Variants in FAM117A observed in about 807,000 individuals in gnomAD.
FAM117A encodes family with sequence similarity 117 member A, also known as protein FAM117A.
In FAM117A, 21 loss-of-function variants were observed where a neutral mutation model predicts 44.1. That is an observed-to-expected ratio of 0.48 (90% confidence interval 0.34 to 0.69). The LOEUF (loss-of-function observed/expected upper bound fraction) is 0.69, where lower values mean the gene tolerates loss of function less well. Ranked by LOEUF, FAM117A falls within the 30% of genes least tolerant of loss-of-function variation. The pLI, the probability that FAM117A is intolerant of heterozygous loss-of-function variation, is 0.01. For synonymous variants in FAM117A, 220 were observed against 238.3 expected (o/e 0.92, Z 0.71); for missense variants, 498 against 589.9 (o/e 0.84, Z 1.61).
intron 1 of FAM117A, among the ~76,000 whole-genome samples, chr17:49,762,182 T>C (rs959390746): frequency 6.6e-6 from 1 of 152,188 alleles, no homozygotes; most frequent in Non-Finnish European, 1.5e-5. Flanking sequence ...AAATAACTGA[T>C]CTTAAAATGA....
upstream of FAM117A, chr17:49,788,838 C>T (rs1177788632): frequency 2.5e-6 from 4 of 1,584,542 alleles, no homozygotes; most frequent in South Asian, 1.1e-5. Context: ...GCCGGCAATG[C>T]CGCGAAGGAA....
intron 1 of FAM117A, among the ~76,000 whole-genome samples, chr17:49,748,280 C>T (rs1468841540): frequency 1.3e-5 from 2 of 152,184 alleles, no homozygotes; most frequent in Non-Finnish European, 2.9e-5. Context: ...AACCAAACCT[C>T]CAAGAACTAG....
At chr17:49,756,526 G>A (rs2073699179) in intron 1 of FAM117A, among the ~76,000 whole-genome samples, 1 of 150,828 alleles carries the variant, frequency 6.6e-6, no homozygotes, top group African/African-American at 2.4e-5. Context: ...GCACCCCGTG[G>A]ATGGCTTGAG....
intron 5 of FAM117A, among the ~76,000 whole-genome samples, chr17:49,718,371 A>G (rs555287354): frequency 4.1e-4 from 62 of 152,266 alleles, no homozygotes; most frequent in Non-Finnish European, 8.2e-4. Flanking sequence ...GTCAATATAA[A>G]ATTGTGCCTG....
chr17:49,749,161 G>A (rs796196930), intron 1 of FAM117A, among the ~76,000 whole-genome samples: 12 of 152,246 alleles, frequency 7.9e-5, no homozygotes, highest in African/African-American at 2.9e-4. Context: ...TGGCCTAGGC[G>A]TATACCTGGC....
chr17:49,781,997 A>T (rs1290963461), intron 1 of FAM117A, among the ~76,000 whole-genome samples: 1 of 151,794 alleles, frequency 6.6e-6, no homozygotes, highest in Non-Finnish European at 1.5e-5. Context: ...ATAAAATTTC[A>T]TGTAAATAAT....
rs1044731663 is a variant in FAM117A at position 49,716,024 on chromosome 17, C to T, written c.1061+141G>A. ...GTGCTCAGAGTAGGTAATGTCAACA[C>T]GTTTGATCATGGAAAGCTGGCAATA... is the stretch of plus-strand genomic sequence containing the variant. On this transcript the variant is annotated intron_variant, in intron 7 of 7. Coordinates refer to ENST00000240364, the MANE Select transcript of FAM117A (RefSeq NM_030802.4). The T allele has an allele frequency of 9.0e-5, 79 of 882,532 alleles. No individual in the cohort carries two copies. The African/African-American group carries it at 1.1e-3, about 12-fold the overall frequency. 54.7% of individuals were successfully genotyped at this position (882,532 alleles called of 1,614,324 possible).
At chr17:49,735,084 T>C (rs765783932) in intron 1 of FAM117A, among the ~76,000 whole-genome samples, 41 of 152,138 alleles carry the variant, frequency 2.7e-4, no homozygotes, top group Admixed American at 4.6e-4. Context: ...GTTGTGGAAA[T>C]GGACCCTGGT....
At chr17:49,781,013 T>C (rs1158206986) in intron 1 of FAM117A, among the ~76,000 whole-genome samples, 2 of 152,058 alleles carry the variant, frequency 1.3e-5, no homozygotes, top group African/African-American at 4.8e-5. Flanking sequence ...GTGCTTTTAG[T>C]AGAGACGGGT....
At position 49,723,072 on chromosome 17, in the gene FAM117A, A is replaced by G. The variant is rs956818087; in HGVS notation, c.367-478T>C. Among the ~76,000 whole-genome samples the G allele has an allele frequency of 2.0e-5, 3 of 152,190 alleles. No homozygotes were observed. The East Asian group carries it at 5.8e-4, about 29-fold the overall frequency. ...GTGCATTAAGGGATTATTAACTGGT[A>G]AAACAGGAAAAAATGTCAACATAGG... On this transcript the variant is annotated intron_variant, in intron 2 of 7. Coordinates refer to ENST00000240364, the MANE Select transcript of FAM117A (RefSeq NM_030802.4).
At chr17:49,736,541 G>A (rs756886531) in intron 1 of FAM117A, among the ~76,000 whole-genome samples, 6 of 152,276 alleles carry the variant, frequency 3.9e-5, no homozygotes, top group South Asian at 4.1e-4. Context: ...CACTGCACCC[G>A]GCCCAAAGGC....
chr17:49,774,506 C>T (rs900251934), intron 1 of FAM117A, among the ~76,000 whole-genome samples: 3 of 151,978 alleles, frequency 2.0e-5, no homozygotes, highest in African/African-American at 2.4e-5. Flanking sequence ...ACTACAGGCT[C>T]GCACCATCAT....
Position 49,720,333 on chromosome 17 carries a change from G to A in FAM117A, c.566C>T (p.Ala189Val), listed in dbSNP as rs1436711558. 6.2e-7 allele frequency: 1 copy of A among 1,612,700 alleles called. No individual in the cohort carries two copies. The change falls in exon 4 of 8, where the codon GCA becomes GTA. Residue 189 changes from alanine (A) to valine (V), a missense_variant. By Grantham distance (64) the Ala-to-Val change is moderately conservative. Coordinates refer to ENST00000240364, the MANE Select transcript of FAM117A (RefSeq NM_030802.4). ...CTGGGGGAGAAAACATACCCTCAGTGCTCCCCGCACTGCGTGGTCCCCTAG... is the reference window on the plus strand; with the variant it reads ...CTGGGGGAGAAAACATACCCTCAGTACTCCCCGCACTGCGTGGTCCCCTAG... ...PLLGDHAVRGALRASPPSFPS... is the reference protein window; with the variant it reads ...PLLGDHAVRGVLRASPPSFPS...
At chr17:49,718,540 G>A (rs915667355) in intron 5 of FAM117A, among the ~76,000 whole-genome samples, 3 of 151,990 alleles carry the variant, frequency 2.0e-5, no homozygotes, top group African/African-American at 7.3e-5. Context: ...GCATTGTGGC[G>A]GGCACCTGTA....
At chr17:49,770,269 C>CAAAAA (rs57966452) in intron 1 of FAM117A, among the ~76,000 whole-genome samples, 1 of 69,784 alleles carries the variant, frequency 1.4e-5, no homozygotes, top group East Asian at 3.9e-4. Context: ...GACTCTGTAT[C>CAAAAA]AAAAAAAAAA....
chr17:49,739,657 G>A (rs1220562191), intron 1 of FAM117A, among the ~76,000 whole-genome samples: 2 of 152,222 alleles, frequency 1.3e-5, no homozygotes, highest in Non-Finnish European at 2.9e-5. Context: ...CTTGTGGTTG[G>A]AAGATGAACT....
At chr17:49,729,792 C>A (rs986978031) in intron 2 of FAM117A, among the ~76,000 whole-genome samples, 11 of 152,136 alleles carry the variant, frequency 7.2e-5, no homozygotes, top group African/African-American at 2.7e-4. Context: ...GCGTGAGCCA[C>A]CATGCCTGGC....
At chr17:49,730,232 G>C (rs563653668) in intron 2 of FAM117A, among the ~76,000 whole-genome samples, 2 of 152,234 alleles carry the variant, frequency 1.3e-5, no homozygotes, top group Non-Finnish European at 2.9e-5. Flanking sequence ...AGTTCCTCGA[G>C]GGCTGGAGCC....
chr17:49,780,619 C>T (rs569512430), intron 1 of FAM117A, among the ~76,000 whole-genome samples: 12 of 152,316 alleles, frequency 7.9e-5, no homozygotes, highest in South Asian at 2.1e-4. Flanking sequence ...ATCTGCCTGT[C>T]TCAGCCTCCG....
Sources: allele counts gnomAD v4.1 joint callset (sites outside exome capture counted in the v4.1 genomes callset), GRCh38; gene constraint gnomAD v4.1.1; transcripts MANE v1.5; gene names NCBI Gene and HGNC (gene_info 2026-07-23, HGNC 2026-07-21).